WNT7A: variants seen among roughly 807,000 people sequenced by gnomAD.
The protein encoded by WNT7A is Wnt family member 7A, also known as protein Wnt-7a.
A neutral mutation model predicts 28.2 loss-of-function variants in WNT7A; 16 were observed. The ratio of observed to expected loss-of-function variants is 0.57; its 90% CI spans 0.38 to 0.86. The LOEUF (loss-of-function observed/expected upper bound fraction) is 0.86. WNT7A is among the 40% of genes least tolerant of loss of function. The pLI, the probability that WNT7A is intolerant of heterozygous loss-of-function variation, is 0.00. For synonymous variants in WNT7A, 190 were observed against 195.9 expected, an observed-to-expected ratio of 0.97 and a Z score of 0.25; for missense variants, 411 against 489.7, an observed-to-expected ratio of 0.84 and a Z score of 1.52.
rs761294840 is a variant in WNT7A at position 13,854,714 on chromosome 3, C to T, written c.388G>A (p.Asp130Asn). 9.9e-6 allele frequency: 16 copies of T among 1,614,026 alleles called. No individual in the cohort carries two copies. The highest frequency in any genetic ancestry group is 6.7e-5 in the East Asian group (3 of 44,878). ...TGCTTCTCTTTGTCGCAGCCACAGT[C>T]GCTCAGGTTGCCCTGGGTACAGGCA... is the stretch of plus-strand genomic sequence containing the variant. Reference protein sequence around the residue: ...TAACTQGNLSDCGCDKEKQGQ... With the variant: ...TAACTQGNLSNCGCDKEKQGQ... The change falls in exon 3 of 4, where the codon GAC (aspartate) becomes AAC (asparagine). Residue 130 changes from aspartate (D) to asparagine (N), a missense_variant. Transcript: ENST00000285018.
intron 2 of WNT7A, among the ~76,000 whole-genome samples, chr3:13,869,422 CAAA>C (rs1559307633): frequency 1.2e-5 from 1 of 80,308 alleles, no homozygotes; most frequent in East Asian, 3.8e-4. Context: ...AAGAAAGAAA[CAAA>C]GAAAAGAAGA....
At chr3:13,825,635 T>G (rs2124830356) in intron 3 of WNT7A, among the ~76,000 whole-genome samples, 1 of 152,334 alleles carries the variant, frequency 6.6e-6, no homozygotes, top group East Asian at 1.9e-4. Context: ...ACCACTGGCC[T>G]GGGAGTGTGA....
chr3:13,836,200 T>TA (rs200750554), intron 3 of WNT7A, among the ~76,000 whole-genome samples: 2,106 of 134,888 alleles, frequency 0.016, 20 homozygotes, highest in East Asian at 0.047. Flanking sequence ...AGCTGGTTTT[T>TA]AAAAAAAAAA....
At chr3:13,827,302 G>C (rs997338873) in intron 3 of WNT7A, among the ~76,000 whole-genome samples, 6 of 152,232 alleles carry the variant, frequency 3.9e-5, no homozygotes, top group African/African-American at 1.4e-4. Context: ...TCCTGCACCA[G>C]GTTGGGTGGG....
chr3:13,848,689 T>C (rs1694578209), intron 3 of WNT7A, among the ~76,000 whole-genome samples: 1 of 152,210 alleles, frequency 6.6e-6, no homozygotes, highest in Non-Finnish European at 1.5e-5. Context: ...TTTGGCACTT[T>C]CTTATAAAGC....
At chr3:13,860,580 C>T (rs1052383667) in intron 2 of WNT7A, among the ~76,000 whole-genome samples, 1 of 152,188 alleles carries the variant, frequency 6.6e-6, no homozygotes, top group Non-Finnish European at 1.5e-5. Context: ...ATGTCTGCTT[C>T]CTTTACTCAT....
intron 3 of WNT7A, among the ~76,000 whole-genome samples, chr3:13,853,574 G>A (rs1182169243): frequency 1.3e-5 from 2 of 152,074 alleles, no homozygotes; most frequent in Non-Finnish European, 2.9e-5. Flanking sequence ...CTCATCTCTC[G>A]AGGCCTGTCT....
intron 2 of WNT7A, among the ~76,000 whole-genome samples, chr3:13,868,837 AG>A (rs1694975016): frequency 1.4e-5 from 2 of 146,136 alleles, no homozygotes; most frequent in African/African-American, 2.5e-5. Flanking sequence ...AGAGAGAAAG[AG>A]AGAGAGAAAG....
intron 1 of WNT7A, among the ~76,000 whole-genome samples, chr3:13,879,246 C>G (rs1156575562): frequency 6.6e-6 from 1 of 152,208 alleles, no homozygotes; most frequent in African/African-American, 2.4e-5. Flanking sequence ...GGTACCTGTT[C>G]CCTGTTTGCA....
intron 3 of WNT7A, among the ~76,000 whole-genome samples, chr3:13,825,955 G>T (rs1172690264): frequency 6.6e-6 from 1 of 152,194 alleles, no homozygotes; most frequent in Non-Finnish European, 1.5e-5. Flanking sequence ...CACTCCTCGG[G>T]CCAGGTCATT....
chr3:13,878,183 C>T (rs1695140857), intron 1 of WNT7A, among the ~76,000 whole-genome samples: 1 of 152,068 alleles, frequency 6.6e-6, no homozygotes, highest in African/African-American at 2.4e-5. Context: ...GGCCGCGGCG[C>T]CGGCGGGAGG....
chr3:13,877,697 A>T (rs1422801368), intron 1 of WNT7A, among the ~76,000 whole-genome samples: 1 of 151,060 alleles, frequency 6.6e-6, no homozygotes, highest in Non-Finnish European at 1.5e-5. Flanking sequence ...ACTAGTCCCC[A>T]CCTCATTGGC....
chr3:13,853,656 C>G (rs1291020076), intron 3 of WNT7A, among the ~76,000 whole-genome samples: 1 of 152,216 alleles, frequency 6.6e-6, no homozygotes, highest in Non-Finnish European at 1.5e-5. Flanking sequence ...CCCACGGGCT[C>G]ATGGCAGTAT....
intron 3 of WNT7A, among the ~76,000 whole-genome samples, chr3:13,846,041 T>G (rs1694532047): frequency 6.6e-6 from 1 of 152,180 alleles, no homozygotes; most frequent in South Asian, 2.1e-4. Context: ...CCTGCCAAGG[T>G]GGCACACAGA....
intron 3 of WNT7A, among the ~76,000 whole-genome samples, chr3:13,819,863 T>C (rs1020102611): frequency 2.0e-5 from 3 of 152,212 alleles, no homozygotes; most frequent in Non-Finnish European, 4.4e-5. Context: ...TTAAACTTTA[T>C]TCACCTACAA....
intron 3 of WNT7A, among the ~76,000 whole-genome samples, chr3:13,837,308 T>C (rs1313139319): frequency 6.6e-6 from 1 of 152,066 alleles, no homozygotes; most frequent in Non-Finnish European, 1.5e-5. Context: ...CTCAGCAACG[T>C]AAAGCCACCC....
chr3:13,851,366 C>T (rs929702079), intron 3 of WNT7A, among the ~76,000 whole-genome samples: 4 of 152,238 alleles, frequency 2.6e-5, no homozygotes, highest in African/African-American at 4.8e-5. Flanking sequence ...ACGGAGCCCC[C>T]ACAGCATGCT....
chr3:13,876,106 A>G (rs1695106140), intron 1 of WNT7A, among the ~76,000 whole-genome samples: 1 of 152,232 alleles, frequency 6.6e-6, no homozygotes, highest in African/African-American at 2.4e-5. Flanking sequence ...AGCTGAGGTG[A>G]TCAAGAGGAC....
intron 2 of WNT7A, among the ~76,000 whole-genome samples, chr3:13,867,636 A>C (rs1450676295): frequency 6.6e-6 from 1 of 151,736 alleles, no homozygotes; most frequent in East Asian, 1.9e-4. Flanking sequence ...CCCACAGCCC[A>C]CTCACCCTGA....
Sources: gnomAD v4.1 joint callset for allele counts (sites outside exome capture counted in the v4.1 genomes callset) on GRCh38, gnomAD v4.1.1 for gene constraint, MANE v1.5 for transcripts, NCBI Gene and HGNC (gene_info 2026-07-23, HGNC 2026-07-21) for gene names.